BIRC6: variants seen among roughly 807,000 people sequenced by gnomAD.
The protein encoded by BIRC6 is baculoviral IAP repeat containing 6, also known as dual E2 ubiquitin-conjugating enzyme/E3 ubiquitin-protein ligase BIRC6.
BIRC6 carries 98 observed loss-of-function variants against 503.3 expected under a neutral mutation model. That is an observed-to-expected ratio of 0.19 (90% CI 0.17 to 0.23). The LOEUF is 0.23. Ranked by LOEUF, BIRC6 falls within the 10% of genes least tolerant of loss-of-function variation. The pLI, the probability that BIRC6 is intolerant of heterozygous loss-of-function variation, is 1.00. For synonymous variants in BIRC6, 2,240 were observed against 2,078.7 expected, an observed-to-expected ratio of 1.08 and a Z score of -2.11; for missense variants, 5,360 against 5,806.0, an observed-to-expected ratio of 0.92 and a Z score of 2.50.
At chr2:32,475,736 A>G (rs936029456) in intron 33 of BIRC6, among the ~76,000 whole-genome samples, 12 of 152,154 alleles carry the variant, frequency 7.9e-5, no homozygotes, top group Non-Finnish European at 1.6e-4. Context: ...TTATTTATAT[A>G]TAGCTTAATT....
At chr2:32,530,748 C>T (rs141508058) in intron 60 of BIRC6, among the ~76,000 whole-genome samples, 1 of 152,254 alleles carries the variant, frequency 6.6e-6, no homozygotes, top group East Asian at 1.9e-4. Flanking sequence ...TTGTATTCTT[C>T]AGCAAATTTT....
intron 72 of BIRC6, among the ~76,000 whole-genome samples, chr2:32,608,973 C>T (rs1028390860): frequency 2.6e-5 from 4 of 151,662 alleles, no homozygotes; most frequent in Non-Finnish European, 5.9e-5. Context: ...TCCGCCTCCC[C>T]GGTTCAAGTG....
chr2:32,487,818 A>G lies in BIRC6; in HGVS notation c.7968+17A>G. 7 of 1,595,610 alleles carry G rather than the reference A, an allele frequency of 4.4e-6. No homozygotes were observed. The highest frequency in any genetic ancestry group is 6.0e-6 in the Non-Finnish European group (7 of 1,164,306). On this transcript the variant is annotated intron_variant, in intron 41 of 73. Transcript: ENST00000421745. ...CATGTTCAGGTATGACTTCAGGAGA[A>G]ATGGTGTATTTTTACATATTATTGT...
chr2:32,524,984 G>C lies in BIRC6; in HGVS notation c.11720G>C (p.Gly3907Ala), dbSNP rs1435328751. 32 of 1,570,304 alleles carry C rather than the reference G, an allele frequency of 2.0e-5. No homozygotes were observed. The highest frequency in any genetic ancestry group is 2.8e-5 in the Non-Finnish European group (32 of 1,160,216). Residue 3907 changes from glycine to alanine, a missense_variant, in exon 58 of 74, where the codon GGA becomes GCA. Around this residue, in one of 16 missense-constraint regions of BIRC6, gnomAD observed 878 missense variants for 928.9 expected, o/e 0.95. Coordinates refer to ENST00000421745, the MANE Select transcript of BIRC6 (RefSeq NM_016252.4). ...AAAGAAAAAGTTAAAGCGGAAAATG[G>C]ATTTCAAGACAATTACAGTGTTGTT... is the stretch of plus-strand genomic sequence containing the variant. ...EEKEKVKAEN[G>A]FQDNYSVVVA...
At chr2:32,424,799 C>T (rs1458249910) in intron 10 of BIRC6, among the ~76,000 whole-genome samples, 1 of 152,172 alleles carries the variant, frequency 6.6e-6, no homozygotes, top group Non-Finnish European at 1.5e-5. Context: ...AGGTGTGAGC[C>T]ACCGCGTCTG....
intron 66 of BIRC6, chr2:32,591,031 A>C (rs2061353794): frequency 1.1e-6 from 1 of 945,352 alleles, no homozygotes; most frequent in African/African-American, 1.8e-5. Flanking sequence ...AGTAACCTGC[A>C]ACTTTTATAG....
rs994445844 is a variant in BIRC6 at position 32,478,754 on chromosome 2, T to C, written c.7188T>C (p.Asp2396=). 3 of 1,613,922 alleles carry C rather than the reference T, an allele frequency of 1.9e-6. No homozygotes were observed. The highest frequency in any genetic ancestry group is 1.7e-6 in the Non-Finnish European group (2 of 1,179,860). The change falls in exon 36 of 74, where the codon GAT becomes GAC. Residue 2396 remains aspartate, a synonymous_variant. Transcript: ENST00000421745. ...LLVGTDFNRG[D]ISWGGAWAQY... is the part of the protein sequence containing the mutation. ...TTGGAACTGACTTCAATAGAGGAGA[T>C]ATATCTTGGGGTGGTGCTTGGGCTC...
intron 2 of BIRC6, 82 bp downstream of exon 2, chr2:32,377,851 C>T (rs543971540): frequency 4.0e-6 from 5 of 1,244,254 alleles, no homozygotes; most frequent in East Asian, 5.0e-5. Context: ...TTAAGTCATC[C>T]TTTAAGGACG....
intron 4 of BIRC6, among the ~76,000 whole-genome samples, chr2:32,391,618 C>G (rs964038924): frequency 6.6e-6 from 1 of 152,122 alleles, no homozygotes; most frequent in Admixed American, 6.5e-5. Context: ...CTTTTTCTTT[C>G]TGTTATCAGT....
intron 22 of BIRC6, among the ~76,000 whole-genome samples, chr2:32,452,343 A>G (rs1009877389): frequency 5.6e-4 from 85 of 152,234 alleles, no homozygotes; most frequent in African/African-American, 2.0e-3. Flanking sequence ...TCATCAAATT[A>G]TGCTATTTTA....
chr2:32,485,784 G>A (rs759163087), intron 40 of BIRC6, 25 bp downstream of exon 40: 2 of 1,402,388 alleles, frequency 1.4e-6, no homozygotes, highest in South Asian at 1.2e-5. Context: ...CATTTTTAGA[G>A]TATTGCAGTG....
chr2:32,567,837 C>T (rs546960761), intron 65 of BIRC6, among the ~76,000 whole-genome samples: 1 of 152,324 alleles, frequency 6.6e-6, no homozygotes, highest in South Asian at 2.1e-4. Flanking sequence ...TGTGGTGGCT[C>T]ACGCCTGTAA....
chr2:32,412,782 A>G (rs2042026725), intron 9 of BIRC6, among the ~76,000 whole-genome samples: 1 of 152,158 alleles, frequency 6.6e-6, no homozygotes, highest in South Asian at 2.1e-4. Context: ...AAGAAAGGAA[A>G]CTGAGATTAC....
intron 66 of BIRC6, among the ~76,000 whole-genome samples, chr2:32,576,944 A>G (rs988038415): frequency 1.3e-5 from 2 of 152,144 alleles, no homozygotes; most frequent in Non-Finnish European, 2.9e-5. Context: ...ATGTAAAGGT[A>G]TATTTTCTTT....
chr2:32,429,185 A>G lies in BIRC6; in HGVS notation c.2912A>G (p.Asp971Gly). ...LHFLQIGGTC[D>G]DIDEADILVD... is the part of the protein sequence containing the mutation. ...TTTCTCCAAATTGGAGGAACCTGTG[A>G]TGATATTGATGAAGCTGATATACTA... The change falls in exon 11 of 74, where the codon GAT (aspartate) becomes GGT (glycine). Residue 971 changes from aspartate to glycine, a missense_variant. Asp to Gly is a moderately conservative substitution (Grantham distance 94). Transcript: ENST00000421745. 6.3e-7 allele frequency: 1 copy of G among 1,590,620 alleles called. No homozygotes were observed. Among genetic ancestry groups the G allele is most frequent in the Non-Finnish European group, 8.6e-7 (1 of 1,167,476 alleles).
chr2:32,461,695 C>G (rs1446551618), intron 23 of BIRC6, among the ~76,000 whole-genome samples: 1 of 151,440 alleles, frequency 6.6e-6, no homozygotes, highest in Non-Finnish European at 1.5e-5. Context: ...TATTAGAATT[C>G]TGGCACAATA....
At chr2:32,496,549 T>C (rs2052498446) in intron 45 of BIRC6, among the ~76,000 whole-genome samples, 1 of 152,186 alleles carries the variant, frequency 6.6e-6, no homozygotes, top group Admixed American at 6.5e-5. Context: ...GTGTATTATA[T>C]AGAATTTATG....
intron 40 of BIRC6, 31 bp downstream of exon 40, chr2:32,485,790 C>A: frequency 7.3e-7 from 1 of 1,362,356 alleles, no homozygotes; most frequent in Non-Finnish European, 1.0e-6. Context: ...TAGAGTATTG[C>A]AGTGAATGAT....
At chr2:32,409,221 C>T (rs984633971) in intron 9 of BIRC6, among the ~76,000 whole-genome samples, 4 of 152,092 alleles carry the variant, frequency 2.6e-5, no homozygotes, top group African/African-American at 7.2e-5. Context: ...TGCAGTGGCA[C>T]GGATCTTGGC....
Sources: gnomAD v4.1 joint callset for allele counts (sites outside exome capture counted in the v4.1 genomes callset) on GRCh38, gnomAD v4.1.1 for gene constraint, gnomAD v4.1.1 regional missense constraint, MANE v1.5 for transcripts, NCBI Gene and HGNC (gene_info 2026-07-23, HGNC 2026-07-21) for gene names.